LTBP1: variants seen among roughly 807,000 people sequenced by gnomAD.
LTBP1 encodes latent transforming growth factor beta binding protein 1, also known as latent-transforming growth factor beta-binding protein 1.
LTBP1 carries 129 observed loss-of-function variants against 207.6 expected under a neutral mutation model. The observed-to-expected ratio is 0.62, with a 90% CI of 0.54 to 0.72. The LOEUF is 0.72. LTBP1 is among the 30% of genes least tolerant of loss of function. The pLI, the probability that LTBP1 is intolerant of heterozygous loss-of-function variation, is 0.00. For missense variants in LTBP1, 2,281 were observed against 2,217.2 expected, an observed-to-expected ratio of 1.03 and a Z score of -0.58; for synonymous variants, 963 against 833.7, an observed-to-expected ratio of 1.16 and a Z score of -2.67.
At chr2:33,070,589 A>G (rs1460123169) in intron 3 of LTBP1, among the ~76,000 whole-genome samples, 1 of 152,182 alleles carries the variant, frequency 6.6e-6, no homozygotes, top group Non-Finnish European at 1.5e-5. Context: ...CACATTGGAA[A>G]CTTCCCAGAA....
rs564357558 is a variant in LTBP1 at position 33,048,002 on chromosome 2, A to G, written c.863+26796A>G. The stretch of plus-strand genomic sequence containing the variant: ...TCCTCCATCCCTTTATTTTGAGCCT[A>G]TGTGTGTCTTTGCATGTGAGATGGA... On this transcript the variant is annotated intron_variant, in intron 3 of 33. Transcript: ENST00000404816. Among the ~76,000 whole-genome samples, 15 of 151,898 alleles carry G rather than the reference A, an allele frequency of 9.9e-5. No homozygotes were observed. The East Asian group carries it at 1.7e-3, about 18-fold the overall frequency.
chr2:33,315,341 G>A, intron 24 of LTBP1, 72 bp downstream of exon 24: 1 of 1,572,430 alleles, frequency 6.4e-7, no homozygotes, highest in Non-Finnish European at 8.7e-7. Context: ...CTTATACAAA[G>A]ACTTGAAGAC....
At chr2:33,396,944 C>A (rs934516565) in intron 32 of LTBP1, among the ~76,000 whole-genome samples, 189 bp from the exon 33 acceptor site, 1 of 152,172 alleles carries the variant, frequency 6.6e-6, no homozygotes, top group Non-Finnish European at 1.5e-5. Flanking sequence ...ACAAAATATA[C>A]AAGTTTTTTA....
chr2:32,947,447 C>T lies in LTBP1; in HGVS notation c.123C>T (p.Gly41=). The change falls in exon 1 of 34, where the codon GGC becomes GGT. Residue 41 remains glycine (G), a synonymous_variant. Coordinates refer to ENST00000404816, the MANE Select transcript of LTBP1 (RefSeq NM_206943.4). The part of the protein sequence containing the change: ...VVHPGPGLAA[G]ALPLSGPPRS... ...ACCCGGGCCCCGGCCTGGCAGCCGG[C>T]GCCTTGCCCCTGAGCGGGCCCCCGC... 1.4e-6 allele frequency: 2 copies of T among 1,443,200 alleles called. No individual in the cohort carries two copies. The highest frequency in any genetic ancestry group is 1.3e-5 in the South Asian group (1 of 75,096). 89.4% of individuals were successfully genotyped at this position (1,443,200 alleles called of 1,614,324 possible). A position where few individuals can be genotyped will look rare whatever the true frequency, so the allele number is the denominator to read the frequency against.
intron 25 of LTBP1, 123 bp downstream of exon 25, chr2:33,343,086 A>T: frequency 8.4e-7 from 1 of 1,196,388 alleles, no homozygotes; most frequent in South Asian, 1.7e-5. Context: ...TGATTTTGTC[A>T]TACAATTTGA....
chr2:33,171,889 T>C (rs2085493188), intron 5 of LTBP1, among the ~76,000 whole-genome samples: 1 of 152,160 alleles, frequency 6.6e-6, no homozygotes. Flanking sequence ...AACCCAGAAT[T>C]TCATATCCAG....
chr2:33,255,726 C>G (rs1171645698), intron 11 of LTBP1, among the ~76,000 whole-genome samples: 1 of 152,042 alleles, frequency 6.6e-6, no homozygotes, highest in Non-Finnish European at 1.5e-5. Flanking sequence ...AGTGTGTGAT[C>G]CTTAGAAAAA....
chr2:33,315,228 A>G lies in LTBP1; in HGVS notation c.3689A>G (p.Gln1230Arg). 6.2e-7 allele frequency: 1 copy of G among 1,613,852 alleles called. No homozygotes were observed. Among genetic ancestry groups the G allele is most frequent in the Non-Finnish European group, 8.5e-7 (1 of 1,179,942 alleles). ...NTEGSFHCVC[Q>R]QGFSISADGR... ...GAGGGTTCTTTCCATTGTGTCTGCC[A>G]GCAGGGTTTCTCAATCTCTGCAGAT... Residue 1230 changes from glutamine (Q) to arginine (R), a missense_variant, in exon 24 of 34, where the codon CAG becomes CGG. By Grantham distance (43) the Gln-to-Arg change is conservative. This residue lies in a region of LTBP1 where 1,671 missense variants were observed against 1,634.8 expected (regional missense o/e 1.02). Transcript: ENST00000404816.
intron 15 of LTBP1, among the ~76,000 whole-genome samples, chr2:33,264,051 T>G (rs1428774458): frequency 6.6e-6 from 1 of 151,294 alleles, no homozygotes; most frequent in African/African-American, 2.4e-5. Context: ...GTCAGGAGAT[T>G]GAGACCATCC....
intron 15 of LTBP1, among the ~76,000 whole-genome samples, chr2:33,271,521 A>G (rs2093321426): frequency 6.6e-6 from 1 of 152,172 alleles, no homozygotes; most frequent in African/African-American, 2.4e-5. Context: ...CTGAAAGTCC[A>G]TGAGTATAAC....
At chr2:33,258,961 C>G (rs963429350) in intron 12 of LTBP1, among the ~76,000 whole-genome samples, 1 of 152,140 alleles carries the variant, frequency 6.6e-6, no homozygotes, top group African/African-American at 2.4e-5. Flanking sequence ...CTCACAATAA[C>G]GTTTATGATT....
chr2:33,246,573 C>T lies in LTBP1; in HGVS notation c.1999+2789C>T, dbSNP rs147863000. Reference sequence around the variant, plus strand: ...GAGAGAAAACCAGCCAGGGATGAAGCCTGCAGGCAAATGGAGGACAAATGA... The same window carrying T: ...GAGAGAAAACCAGCCAGGGATGAAGTCTGCAGGCAAATGGAGGACAAATGA... On this transcript the variant is annotated intron_variant, in intron 10 of 33. Coordinates refer to ENST00000404816, the MANE Select transcript of LTBP1 (RefSeq NM_206943.4). 9.7e-3 allele frequency among the ~76,000 whole-genome samples: 1,477 copies of T among 152,152 alleles called. 25 individuals are homozygous for T. The highest frequency in any genetic ancestry group is 0.034 in the African/African-American group (1,422 of 41,504).
In LTBP1 at chr2:33,263,290, A is replaced by G. The variant is rs113728018; in HGVS notation, c.2519-4A>G. The G allele has an allele frequency of 1.9e-3, 2,983 of 1,585,666 alleles. 45 individuals carry two copies. In the African/African-American group the frequency reaches 0.034, roughly 18 times the overall value. ...TTCTTTTTATCCTCTGCTTCCTCAT[A>G]TAGTAGTGATTGAAAAAACATCACC... On this transcript the variant is annotated splice_polypyrimidine_tract_variant and splice_region_variant and intron_variant, in intron 14 of 33. Transcript: ENST00000404816.
intron 23 of LTBP1, among the ~76,000 whole-genome samples, chr2:33,314,652 T>A (rs2094239437): frequency 6.6e-6 from 1 of 152,208 alleles, no homozygotes; most frequent in Non-Finnish European, 1.5e-5. Flanking sequence ...CAGCAGACAT[T>A]TGTGAAGTGC....
At chr2:33,317,748 G>T (rs1022112309) in intron 24 of LTBP1, 5 of 152,214 alleles carry the variant, frequency 3.3e-5, no homozygotes, top group Non-Finnish European at 7.3e-5. Context: ...GACCTGCCCG[G>T]CTCTAAGCAG....
At chr2:33,324,275 A>G (rs547642627) in intron 24 of LTBP1, among the ~76,000 whole-genome samples, 151 of 126,850 alleles carry the variant, frequency 1.2e-3, no homozygotes, top group Non-Finnish European at 1.5e-3. Context: ...TAATTGTTAT[A>G]ACAATTGTTA....
chr2:33,324,699 CT>C (rs35517435), intron 24 of LTBP1, among the ~76,000 whole-genome samples: 11,637 of 123,142 alleles, frequency 0.095, 285 homozygotes, highest in East Asian at 0.29. Flanking sequence ...TGTATTCTAT[CT>C]TTTTTTTTTT....
At chr2:33,092,568 CT>C (rs1399767219) in intron 3 of LTBP1, among the ~76,000 whole-genome samples, 1 of 152,164 alleles carries the variant, frequency 6.6e-6, no homozygotes, top group Admixed American at 6.5e-5. Flanking sequence ...CTCTCATCAT[CT>C]GTATTATATA....
At chr2:33,333,644 AC>A (rs985759306) in intron 24 of LTBP1, among the ~76,000 whole-genome samples, 40 of 152,340 alleles carry the variant, frequency 2.6e-4, no homozygotes, top group African/African-American at 9.4e-4. Flanking sequence ...TGGTAAAAAA[AC>A]GAAGCAATTT....
Sources: gnomAD v4.1 joint callset for allele counts (sites outside exome capture counted in the v4.1 genomes callset) on GRCh38, gnomAD v4.1.1 for gene constraint, gnomAD v4.1.1 regional missense constraint, MANE v1.5 for transcripts, NCBI Gene and HGNC (gene_info 2026-07-23, HGNC 2026-07-21) for gene names.